Variants in ARHGEF37 observed in about 807,000 individuals in gnomAD.
ARHGEF37 encodes Rho guanine nucleotide exchange factor (GEF) 37.
ARHGEF37 carries 55 observed loss-of-function variants against 71.1 expected under a neutral mutation model. The ratio of observed to expected loss-of-function variants is 0.77; its 90% CI spans 0.62 to 0.97. ARHGEF37 has a LOEUF of 0.97. Among genes scored for constraint, ARHGEF37 ranks in the 50% least tolerant of loss-of-function variants. The pLI is 0.00. For synonymous variants in ARHGEF37, 327 were observed against 350.6 expected (o/e 0.93, Z 0.75); for missense variants, 765 against 836.8 (o/e 0.91, Z 1.06).
chr5:149,553,558 A>T (rs765656737), intron 1 of ARHGEF37, among the ~76,000 whole-genome samples: 12 of 152,190 alleles, frequency 7.9e-5, no homozygotes, highest in Non-Finnish European at 1.2e-4. Flanking sequence ...CCATAAGGGG[A>T]TGAGGTATAC....
At chr5:149,604,523 G>A (rs370028855) in intron 3 of ARHGEF37, among the ~76,000 whole-genome samples, 3 of 151,932 alleles carry the variant, frequency 2.0e-5, no homozygotes, top group East Asian at 1.9e-4. Context: ...CCAAAAAGAG[G>A]CCCAAATAAC....
At chr5:149,575,767 T>C (rs947406030) in intron 1 of ARHGEF37, among the ~76,000 whole-genome samples, 1 of 148,064 alleles carries the variant, frequency 6.8e-6, no homozygotes. Flanking sequence ...CTGCAACCTC[T>C]GCCTCCCGGG....
At chr5:149,619,480 A>G (rs746797258) in intron 7 of ARHGEF37, among the ~76,000 whole-genome samples, 20 of 152,178 alleles carry the variant, frequency 1.3e-4, no homozygotes, top group Non-Finnish European at 2.8e-4. Flanking sequence ...AATATTTGGA[A>G]TTTGAAGGGC....
At chr5:149,562,292 G>A (rs186434490) in intron 1 of ARHGEF37, among the ~76,000 whole-genome samples, 46 of 152,232 alleles carry the variant, frequency 3.0e-4, no homozygotes, top group Admixed American at 1.6e-3. Context: ...TATTTATATG[G>A]CACTGTATAG....
intron 3 of ARHGEF37, among the ~76,000 whole-genome samples, chr5:149,601,823 A>G (rs1254845227): frequency 6.6e-6 from 1 of 152,174 alleles, no homozygotes; most frequent in Non-Finnish European, 1.5e-5. Context: ...AAAGGCCCTG[A>G]GGCAAGGATG....
chr5:149,596,116 A>G (rs1229465800), intron 1 of ARHGEF37, among the ~76,000 whole-genome samples: 2 of 152,054 alleles, frequency 1.3e-5, no homozygotes, highest in African/African-American at 4.8e-5. Flanking sequence ...ACTTTGGGCC[A>G]CAGCTGCATC....
chr5:149,613,926 A>G (rs1267418824), intron 4 of ARHGEF37, among the ~76,000 whole-genome samples: 1 of 151,298 alleles, frequency 6.6e-6, no homozygotes, highest in African/African-American at 2.4e-5. Flanking sequence ...ACCACACCTG[A>G]CTCATTTTTT....
At chr5:149,611,550 T>C (rs1764078221) in intron 4 of ARHGEF37, among the ~76,000 whole-genome samples, 1 of 152,252 alleles carries the variant, frequency 6.6e-6, no homozygotes, top group African/African-American at 2.4e-5. Flanking sequence ...GCTTTGCTCA[T>C]GGGCTCTGTA....
intron 1 of ARHGEF37, 91 bp from the exon 2 acceptor site, chr5:149,597,668 G>T: frequency 1.7e-6 from 2 of 1,178,218 alleles, no homozygotes; most frequent in Non-Finnish European, 2.3e-6. Flanking sequence ...ATGTTTTTAG[G>T]CCTCTTGATG....
chr5:149,628,777 C>G (rs142791834), intron 11 of ARHGEF37, 32 bp from the exon 12 acceptor site: 251 of 1,590,030 alleles, frequency 1.6e-4, no homozygotes, highest in Non-Finnish European at 2.0e-4. Context: ...GAAGGTGGCC[C>G]GCAGCCTGCT....
intron 5 of ARHGEF37, among the ~76,000 whole-genome samples, 155 bp from the exon 6 acceptor site, chr5:149,618,021 G>A (rs936682342): frequency 1.3e-5 from 2 of 152,224 alleles, no homozygotes; most frequent in Non-Finnish European, 2.9e-5. Flanking sequence ...CTCAGACAGA[G>A]GACCCTATGC....
At chr5:149,594,607 ATGG>A (rs746090161) in intron 1 of ARHGEF37, among the ~76,000 whole-genome samples, 13 of 152,228 alleles carry the variant, frequency 8.5e-5, no homozygotes, top group African/African-American at 3.1e-4. Context: ...AGTATTAATC[ATGG>A]GCATGGTGAG....
intron 12 of ARHGEF37, among the ~76,000 whole-genome samples, chr5:149,631,663 G>A (rs1752888546): frequency 6.6e-6 from 1 of 152,076 alleles, no homozygotes; most frequent in Non-Finnish European, 1.5e-5. Context: ...ATTCACTGCT[G>A]TGCAATTTTG....
intron 1 of ARHGEF37, among the ~76,000 whole-genome samples, chr5:149,572,701 T>C (rs568522337): frequency 6.6e-6 from 1 of 152,292 alleles, no homozygotes; most frequent in African/African-American, 2.4e-5. Context: ...TTACCCTCCA[T>C]AATGTGGGTA....
At chr5:149,597,201 C>T (rs1406339258) in intron 1 of ARHGEF37, among the ~76,000 whole-genome samples, 8 of 152,008 alleles carry the variant, frequency 5.3e-5, no homozygotes, top group African/African-American at 1.9e-4. Context: ...GAAGAAAAGC[C>T]AGGCAAGCAT....
intron 1 of ARHGEF37, among the ~76,000 whole-genome samples, chr5:149,554,651 T>TG (rs1181573275): frequency 2.6e-5 from 4 of 151,942 alleles, no homozygotes; most frequent in East Asian, 1.9e-4. Flanking sequence ...AAAATTGTTT[T>TG]TTTTTTTTTT....
At chr5:149,582,585 C>T (rs148835263) in intron 1 of ARHGEF37, among the ~76,000 whole-genome samples, 3 of 152,064 alleles carry the variant, frequency 2.0e-5, no homozygotes, top group South Asian at 2.1e-4. Context: ...AAAGTGCTGA[C>T]GATTATAGGG....
intron 1 of ARHGEF37, among the ~76,000 whole-genome samples, chr5:149,595,898 C>T (rs1330535894): frequency 6.6e-6 from 1 of 151,896 alleles, no homozygotes; most frequent in East Asian, 1.9e-4. Flanking sequence ...CACCCAGAAC[C>T]CAAGCCAGGA....
chr5:149,598,783 T>G (rs1368149221), intron 2 of ARHGEF37, among the ~76,000 whole-genome samples: 7 of 146,690 alleles, frequency 4.8e-5, no homozygotes, highest in African/African-American at 1.8e-4. Context: ...TATAGATATA[T>G]AGATATAGAT....
Sources: gnomAD v4.1 joint callset for allele counts (sites outside exome capture counted in the v4.1 genomes callset) on GRCh38, gnomAD v4.1.1 for gene constraint, MANE v1.5 for transcripts, NCBI Gene and HGNC (gene_info 2026-07-23, HGNC 2026-07-21) for gene names.